The following FUBP3 variants were observed in gnomAD, a reference collection of about 807,000 sequenced individuals.
FUBP3 encodes the protein far upstream element-binding protein 3.
A neutral mutation model predicts 85.6 loss-of-function variants in FUBP3; 28 were observed. The observed-to-expected ratio is 0.33, with a 90% confidence interval of 0.24 to 0.45. The LOEUF (loss-of-function observed/expected upper bound fraction) is 0.45, where lower values mean the gene tolerates loss of function less well. Ranked by LOEUF, FUBP3 falls within the 20% of genes least tolerant of loss-of-function variation. The pLI is 1.00. For synonymous variants in FUBP3, 271 were observed against 271.4 expected, an observed-to-expected ratio of 1.00 and a Z score of 0.01; for missense variants, 583 against 755.1, an observed-to-expected ratio of 0.77 and a Z score of 2.67.
intron 1 of FUBP3, among the ~76,000 whole-genome samples, chr9:130,585,507 G>C (rs1450435325): frequency 6.6e-6 from 1 of 152,160 alleles, no homozygotes; most frequent in Non-Finnish European, 1.5e-5. Flanking sequence ...CCTAGCATTT[G>C]ATCTATAGGC....
At chr9:130,592,637 C>T (rs1328193193) in intron 1 of FUBP3, among the ~76,000 whole-genome samples, 4 of 152,094 alleles carry the variant, frequency 2.6e-5, no homozygotes, top group Admixed American at 6.5e-5. Flanking sequence ...CCTCAAACCC[C>T]GGCTCAAGCA....
chr9:130,580,457 C>G (rs1830087976), intron 1 of FUBP3, among the ~76,000 whole-genome samples: 1 of 152,156 alleles, frequency 6.6e-6, no homozygotes, highest in Non-Finnish European at 1.5e-5. Flanking sequence ...TGGGACCTGC[C>G]AAAAATACTT....
intron 1 of FUBP3, among the ~76,000 whole-genome samples, chr9:130,589,375 G>A (rs1000150022): frequency 2.1e-5 from 3 of 144,666 alleles, no homozygotes; most frequent in Non-Finnish European, 4.5e-5. Context: ...ATGGAGTCTC[G>A]CTCTTGTCCC....
At chr9:130,584,905 G>C (rs957408051) in intron 1 of FUBP3, among the ~76,000 whole-genome samples, 1 of 151,988 alleles carries the variant, frequency 6.6e-6, no homozygotes, top group Non-Finnish European at 1.5e-5. Flanking sequence ...GCTCATGCCT[G>C]TAATCCCAGC....
In FUBP3 at chr9:130,637,071, A is replaced by G; in HGVS notation, c.*49A>G. ...TCCCCTCAAAATCATTGTCAAAGAAAACCTATTTGTAACAGAGGTTTTTAC... is the reference window on the plus strand; with the variant it reads ...TCCCCTCAAAATCATTGTCAAAGAAGACCTATTTGTAACAGAGGTTTTTAC... On this transcript the variant is annotated 3_prime_UTR_variant, in exon 19 of 19. Transcript: ENST00000319725. 2.0e-6 allele frequency: 3 copies of G among 1,533,596 alleles called. No individual in the cohort carries two copies. Among genetic ancestry groups the G allele is most frequent in the Non-Finnish European group, 2.7e-6 (3 of 1,106,636 alleles). The allele number at this position is 1,533,596 out of a possible 1,614,324, so 95.0% of individuals were successfully genotyped here.
intron 1 of FUBP3, among the ~76,000 whole-genome samples, chr9:130,594,603 A>T (rs8181197): frequency 0.34 from 51,071 of 151,834 alleles, 9,021 homozygotes; most frequent in East Asian, 0.5. Context: ...AATAAATTTT[A>T]AAAAATTTAG....
chr9:130,621,142 G>A (rs10793951), intron 9 of FUBP3, among the ~76,000 whole-genome samples: 107,982 of 152,016 alleles, frequency 0.71, 39,754 homozygotes, highest in African/African-American at 0.91. Flanking sequence ...AATATTATGT[G>A]TATTTTAGCC....
In FUBP3 at chr9:130,637,565, G is replaced by T. The variant is rs1192489838; in HGVS notation, c.*543G>T. The T allele has an allele frequency of 1.3e-5, 2 of 155,118 alleles. No homozygotes were observed. Among genetic ancestry groups the T allele is most frequent in the African/African-American group, 4.8e-5 (2 of 41,426 alleles). The allele number at this position is 155,118 out of a possible 1,614,324, so 9.6% of individuals were successfully genotyped here. A position where few individuals can be genotyped will look rare whatever the true frequency, so the allele number is the denominator to read the frequency against. On this transcript the variant is annotated 3_prime_UTR_variant, in exon 19 of 19. Coordinates refer to ENST00000319725, the MANE Select transcript of FUBP3 (RefSeq NM_003934.2). ...TGAACTATTATGTATTGTAATGAATGATGTGAATTCTGAACTGAGACAGAT... is the reference window on the plus strand; with the variant it reads ...TGAACTATTATGTATTGTAATGAATTATGTGAATTCTGAACTGAGACAGAT...
chr9:130,581,037 C>G (rs1830112169), intron 1 of FUBP3: 1 of 152,230 alleles, frequency 6.6e-6, no homozygotes, highest in Non-Finnish European at 1.5e-5. Flanking sequence ...GTACAGGGTC[C>G]TGAACCTTGT....
chr9:130,621,702 C>T (rs899621890), intron 9 of FUBP3, among the ~76,000 whole-genome samples: 2 of 150,748 alleles, frequency 1.3e-5, no homozygotes, highest in Admixed American at 1.3e-4. Flanking sequence ...GTCAGGAGTT[C>T]GAGACCAGCC....
chr9:130,632,404 G>A (rs536111291), intron 16 of FUBP3, 126 bp downstream of exon 16: 1 of 714,388 alleles, frequency 1.4e-6, no homozygotes, highest in South Asian at 1.7e-5. Context: ...AAATGACAAG[G>A]AGCCCTCTGG....
chr9:130,605,011 T>C (rs1368148544), intron 2 of FUBP3, among the ~76,000 whole-genome samples: 2 of 152,238 alleles, frequency 1.3e-5, no homozygotes, highest in Admixed American at 6.5e-5. Context: ...AATGAAAGTT[T>C]TATGAAATAC....
At chr9:130,610,075 AGG>A in intron 3 of FUBP3, 88 bp downstream of exon 3, 1 of 1,085,994 alleles carries the variant, frequency 9.2e-7, no homozygotes, top group East Asian at 2.4e-5. Context: ...AGAAAGTCAG[AGG>A]TTGAGAATGT....
At chr9:130,630,824 A>T in intron 13 of FUBP3, 36 bp downstream of exon 13, 1 of 1,407,212 alleles carries the variant, frequency 7.1e-7, no homozygotes, top group Non-Finnish European at 9.4e-7. Flanking sequence ...TGGTTTACTC[A>T]TAGCTGTTTT....
At chr9:130,607,747 A>G (rs1467469690) in intron 2 of FUBP3, among the ~76,000 whole-genome samples, 3 of 152,168 alleles carry the variant, frequency 2.0e-5, no homozygotes, top group East Asian at 1.9e-4. Context: ...TGAAACTGCA[A>G]TCACATGTTT....
At chr9:130,625,767 C>T (rs1232629548) in intron 11 of FUBP3, among the ~76,000 whole-genome samples, 1 of 152,170 alleles carries the variant, frequency 6.6e-6, no homozygotes, top group Non-Finnish European at 1.5e-5. Flanking sequence ...TCCCTCTGTT[C>T]CTCCCTTCTG....
intron 1 of FUBP3, among the ~76,000 whole-genome samples, chr9:130,586,768 T>C (rs1230220653): frequency 7.9e-5 from 11 of 139,208 alleles, no homozygotes; most frequent in East Asian, 6.4e-4. Context: ...TTTTTTTTTT[T>C]CAGACGGAGT....
chr9:130,626,525 T>C lies in FUBP3; in HGVS notation c.1117+20T>C. On this transcript the variant is annotated intron_variant, in intron 12 of 18. Transcript: ENST00000319725. ...GCAAAGGTAAGAGGCAGCTGGGGTT[T>C]CACATCCCCCCTCAGCTGTTTGGCT... is the stretch of plus-strand genomic sequence containing the variant. The C allele has an allele frequency of 7.4e-6, 12 of 1,612,090 alleles. No individual in the cohort carries two copies. The highest frequency in any genetic ancestry group is 1.0e-5 in the Non-Finnish European group (12 of 1,178,404).
chr9:130,630,901 A>G, intron 13 of FUBP3, 113 bp downstream of exon 13: 1 of 833,200 alleles, frequency 1.2e-6, no homozygotes, highest in Non-Finnish European at 1.7e-6. Flanking sequence ...GGGTTCTCAC[A>G]TCACACGAGG....
Sources: gnomAD v4.1 joint callset for allele counts (sites outside exome capture counted in the v4.1 genomes callset) on GRCh38, gnomAD v4.1.1 for gene constraint, MANE v1.5 for transcripts, NCBI Gene and HGNC (gene_info 2026-07-23, HGNC 2026-07-21) for gene names.